NR2F1-AS1: variants seen among roughly 807,000 people sequenced by gnomAD.
NR2F1-AS1 encodes NR2F1 antisense RNA 1.
At chr5:93,443,758 C>T (rs966362641) in intron 4 of NR2F1-AS1, among the ~76,000 whole-genome samples, 2 of 152,076 alleles carry the variant, frequency 1.3e-5, no homozygotes, top group African/African-American at 4.8e-5. Flanking sequence ...TCAGATTCAC[C>T]AAAGTTGAAA....
intron 4 of NR2F1-AS1, among the ~76,000 whole-genome samples, chr5:93,452,123 T>G (rs917431999): frequency 6.6e-6 from 1 of 152,164 alleles, no homozygotes; most frequent in East Asian, 1.9e-4. Context: ...TAAATTATAC[T>G]ATAATGTGAA....
At chr5:93,552,601 T>A (rs1752256111) in intron 4 of NR2F1-AS1, among the ~76,000 whole-genome samples, 1 of 151,016 alleles carries the variant, frequency 6.6e-6, no homozygotes. Context: ...TGAGCATCAG[T>A]CCTACAAATT....
At chr5:93,512,011 G>C (rs1016921120) in intron 4 of NR2F1-AS1, among the ~76,000 whole-genome samples, 1 of 152,150 alleles carries the variant, frequency 6.6e-6, no homozygotes, top group African/African-American at 2.4e-5. Context: ...TATGTTACTG[G>C]CTTATGTATC....
At chr5:93,426,246 C>A (rs1210525535) in intron 4 of NR2F1-AS1, among the ~76,000 whole-genome samples, 2 of 150,202 alleles carry the variant, frequency 1.3e-5, no homozygotes, top group African/African-American at 5.1e-5. Context: ...TGGGGTTTCA[C>A]CATGTTGGCC....
At chr5:93,443,007 C>T (rs897427868) in intron 4 of NR2F1-AS1, among the ~76,000 whole-genome samples, 6 of 152,198 alleles carry the variant, frequency 3.9e-5, no homozygotes, top group Admixed American at 3.3e-4. Flanking sequence ...AACTAACAAA[C>T]AGAAAGGACG....
At chr5:93,497,710 T>C (rs766634344) in intron 4 of NR2F1-AS1, among the ~76,000 whole-genome samples, 2 of 152,214 alleles carry the variant, frequency 1.3e-5, no homozygotes, top group Non-Finnish European at 2.9e-5. Flanking sequence ...CCCAGGTTGA[T>C]GTAACTTTGA....
chr5:93,546,464 T>A (rs1752090010), intron 4 of NR2F1-AS1, among the ~76,000 whole-genome samples: 1 of 152,128 alleles, frequency 6.6e-6, no homozygotes, highest in South Asian at 2.1e-4. Flanking sequence ...ATGAAGCAAG[T>A]CAGAGGGAAA....
intron 4 of NR2F1-AS1, among the ~76,000 whole-genome samples, chr5:93,510,297 T>C (rs374799584): frequency 5.3e-5 from 8 of 152,294 alleles, no homozygotes; most frequent in African/African-American, 1.9e-4. Context: ...CTTTTAAGTT[T>C]AGAACTTTTA....
At chr5:93,576,261 C>T (rs1405307641) in intron 1 of NR2F1-AS1, among the ~76,000 whole-genome samples, 1 of 152,088 alleles carries the variant, frequency 6.6e-6, no homozygotes, top group Non-Finnish European at 1.5e-5. Flanking sequence ...TAGAACGATC[C>T]CCGAGTTTTG....
At chr5:93,417,511 T>A (rs1447892582) in intron 4 of NR2F1-AS1, among the ~76,000 whole-genome samples, 3 of 152,228 alleles carry the variant, frequency 2.0e-5, no homozygotes, top group African/African-American at 7.2e-5. Context: ...AAATGCTCAT[T>A]CATCAATTAA....
At chr5:93,581,702 C>G, upstream of NR2F1-AS1, among the ~76,000 whole-genome samples, 1 of 64,736 alleles carries the variant, frequency 1.5e-5, no homozygotes, top group African/African-American at 8.7e-5. Context: ...CTCTCTCTCT[C>G]TCTCTCTCTC....
At chr5:93,541,311 C>A (rs1385543074) in intron 4 of NR2F1-AS1, among the ~76,000 whole-genome samples, 1 of 152,182 alleles carries the variant, frequency 6.6e-6, no homozygotes, top group Non-Finnish European at 1.5e-5. Flanking sequence ...GCTTCCTTTG[C>A]CTCTCCTGTA....
chr5:93,520,140 A>T (rs936122009), intron 4 of NR2F1-AS1, among the ~76,000 whole-genome samples: 1 of 152,096 alleles, frequency 6.6e-6, no homozygotes, highest in Non-Finnish European at 1.5e-5. Context: ...TAAAAACTGA[A>T]CTACACGCAT....
intron 4 of NR2F1-AS1, among the ~76,000 whole-genome samples, chr5:93,551,693 A>G (rs1752234080): frequency 6.6e-6 from 1 of 152,114 alleles, no homozygotes; most frequent in Admixed American, 6.5e-5. Flanking sequence ...CCAACTTTAG[A>G]CTGATTATAA....
At chr5:93,508,302 C>T (rs1440877938) in intron 4 of NR2F1-AS1, among the ~76,000 whole-genome samples, 1 of 152,048 alleles carries the variant, frequency 6.6e-6, no homozygotes, top group African/African-American at 2.4e-5. Flanking sequence ...AGAAACAGAA[C>T]CACGTATATA....
intron 4 of NR2F1-AS1, among the ~76,000 whole-genome samples, chr5:93,485,744 C>T (rs1053772108): frequency 6.6e-6 from 1 of 151,760 alleles, no homozygotes; most frequent in Admixed American, 6.6e-5. Context: ...ACCATTTGAC[C>T]CAGCCATCCC....
At position 93,418,671 on chromosome 5, in the gene NR2F1-AS1, C is replaced by T. The variant is rs370854402; in HGVS notation, n.639-23129G>A. Among the ~76,000 whole-genome samples, 53 of 152,238 alleles carry T rather than the reference C, an allele frequency of 3.5e-4. No individual in the cohort carries two copies. In the South Asian group the frequency reaches 7.1e-3, roughly 20 times the overall value. ...AAATTCATCCAAATATCTGAGGCTC[C>T]CATAATTTGCTGACCCCTTATCTGT... On this transcript the variant is annotated intron_variant and non_coding_transcript_variant, in intron 4 of 5. Transcript: ENST00000660523.
intron 4 of NR2F1-AS1, among the ~76,000 whole-genome samples, chr5:93,480,096 G>A (rs1750569740): frequency 6.6e-6 from 1 of 151,748 alleles, no homozygotes; most frequent in Non-Finnish European, 1.5e-5. Flanking sequence ...AGAAAAGAGA[G>A]AAATGAAGAA....
intron 4 of NR2F1-AS1, among the ~76,000 whole-genome samples, chr5:93,535,593 G>A (rs774237445): frequency 4.6e-5 from 7 of 151,846 alleles, no homozygotes; most frequent in Admixed American, 2.0e-4. Flanking sequence ...AAGCATAGAC[G>A]CAAAAATTCT....
Sources: allele counts gnomAD v4.1 joint callset (sites outside exome capture counted in the v4.1 genomes callset), GRCh38; gene constraint gnomAD v4.1.1; transcripts MANE v1.5; gene names NCBI Gene and HGNC (gene_info 2026-07-23, HGNC 2026-07-21).